Variants in CYP7B1 observed in about 807,000 individuals in gnomAD.
CYP7B1 encodes the protein cytochrome P450 family 7 subfamily B member 1.
In CYP7B1, 29 loss-of-function variants were observed where a neutral mutation model predicts 42.7. The observed-to-expected ratio is 0.68, with a 90% CI of 0.51 to 0.93. CYP7B1 has a LOEUF of 0.93. Ranked by LOEUF, CYP7B1 falls within the 40% of genes least tolerant of loss-of-function variation. The probability of loss-of-function intolerance (pLI) is 0.00; values close to 1 mark genes in which losing one functional copy is unlikely to be tolerated. For synonymous variants in CYP7B1, 235 were observed against 218.2 expected, an observed-to-expected ratio of 1.08 and a Z score of -0.68; for missense variants, 655 against 600.5, an observed-to-expected ratio of 1.09 and a Z score of -0.95.
intron 1 of CYP7B1, among the ~76,000 whole-genome samples, chr8:64,766,278 C>T (rs897092417): frequency 1.3e-5 from 2 of 152,144 alleles, no homozygotes; most frequent in African/African-American, 2.4e-5. Flanking sequence ...AATCCTACTG[C>T]CTTTCTGGAG....
chr8:64,796,451 C>A (rs528667621), intron 1 of CYP7B1, among the ~76,000 whole-genome samples: 1 of 152,114 alleles, frequency 6.6e-6, no homozygotes, highest in African/African-American at 2.4e-5. Flanking sequence ...ATCAGATTGG[C>A]AAAATTAAAA....
At chr8:64,775,913 A>G (rs959488423) in intron 1 of CYP7B1, among the ~76,000 whole-genome samples, 6 of 152,192 alleles carry the variant, frequency 3.9e-5, no homozygotes, top group Non-Finnish European at 7.3e-5. Flanking sequence ...CCAAATGATT[A>G]TCTGGTTCAG....
chr8:64,775,949 T>C (rs1282090427), intron 1 of CYP7B1, among the ~76,000 whole-genome samples: 1 of 152,160 alleles, frequency 6.6e-6, no homozygotes, highest in Non-Finnish European at 1.5e-5. Context: ...ATGAGAAAAC[T>C]GAGCCTTAGA....
chr8:64,634,091 C>G (rs1364156792), intron 1 of CYP7B1, among the ~76,000 whole-genome samples: 1 of 152,136 alleles, frequency 6.6e-6, no homozygotes, highest in Non-Finnish European at 1.5e-5. Context: ...TTTTGATTTG[C>G]ACATGACATA....
chr8:64,791,467 G>C (rs1335716940), intron 1 of CYP7B1, among the ~76,000 whole-genome samples: 1 of 152,180 alleles, frequency 6.6e-6, no homozygotes, highest in Non-Finnish European at 1.5e-5. Context: ...CCTTATAAGA[G>C]GGGAGTGGAA....
intron 1 of CYP7B1, among the ~76,000 whole-genome samples, chr8:64,707,487 C>T (rs1354965242): frequency 1.3e-5 from 2 of 152,078 alleles, no homozygotes; most frequent in African/African-American, 2.4e-5. Context: ...CACAATCAGA[C>T]TACAGCAGTT....
chr8:64,626,643 C>A (rs1050359042), intron 1 of CYP7B1, among the ~76,000 whole-genome samples: 2 of 152,230 alleles, frequency 1.3e-5, no homozygotes, highest in Admixed American at 6.5e-5. Flanking sequence ...GATTTGTAAT[C>A]TTAGCAAGAT....
intron 1 of CYP7B1, among the ~76,000 whole-genome samples, chr8:64,706,608 CTCTTA>C (rs1431103841): frequency 6.6e-6 from 1 of 151,974 alleles, no homozygotes; most frequent in Non-Finnish European, 1.5e-5. Context: ...TAAGTAAGGG[CTCTTA>C]TCTTATCGAT....
intron 1 of CYP7B1, among the ~76,000 whole-genome samples, chr8:64,775,366 T>C (rs1033528606): frequency 6.6e-6 from 1 of 152,154 alleles, no homozygotes; most frequent in African/African-American, 2.4e-5. Flanking sequence ...TTATATTCCT[T>C]ATAGTAAACT....
intron 3 of CYP7B1, 102 bp downstream of exon 3, chr8:64,615,585 TAGAA>T (rs1444446339): frequency 1.5e-5 from 16 of 1,081,056 alleles, no homozygotes; most frequent in Middle Eastern, 2.1e-4. Flanking sequence ...ATTAGCCAAT[TAGAA>T]AGAGCATAAA....
chr8:64,755,314 C>G (rs1267986237), intron 1 of CYP7B1, among the ~76,000 whole-genome samples: 1 of 152,236 alleles, frequency 6.6e-6, no homozygotes, highest in Non-Finnish European at 1.5e-5. Context: ...TTATTTGTAA[C>G]AGCACTTCAC....
intron 1 of CYP7B1, among the ~76,000 whole-genome samples, chr8:64,663,044 C>T (rs4236934): frequency 0.64 from 97,791 of 152,042 alleles, 31,632 homozygotes; most frequent in Middle Eastern, 0.68. Context: ...CCATATTTAC[C>T]TTTATTTCTT....
intron 1 of CYP7B1, among the ~76,000 whole-genome samples, chr8:64,741,895 G>T (rs955747230): frequency 2.6e-5 from 4 of 152,232 alleles, no homozygotes; most frequent in African/African-American, 7.2e-5. Context: ...TAATTGGAAG[G>T]CTCAATATTG....
intron 1 of CYP7B1, among the ~76,000 whole-genome samples, chr8:64,690,943 T>C (rs1339937275): frequency 1.3e-5 from 2 of 152,196 alleles, no homozygotes; most frequent in African/African-American, 4.8e-5. Flanking sequence ...ACTGCACATG[T>C]GTAACTGTGC....
chr8:64,647,215 C>T, intron 1 of CYP7B1, among the ~76,000 whole-genome samples: 1 of 152,112 alleles, frequency 6.6e-6, no homozygotes, highest in East Asian at 1.9e-4. Flanking sequence ...ATTAAGCTCA[C>T]TATCTTATAT....
chr8:64,704,908 CACTT>C (rs796142485), intron 1 of CYP7B1, among the ~76,000 whole-genome samples: 54 of 152,128 alleles, frequency 3.5e-4, no homozygotes, highest in African/African-American at 1.3e-3. Context: ...AAATCAACTA[CACTT>C]ACTTAGTTCC....
intron 1 of CYP7B1, among the ~76,000 whole-genome samples, chr8:64,632,064 C>T (rs1356784136): frequency 3.3e-5 from 5 of 151,928 alleles, no homozygotes; most frequent in Non-Finnish European, 7.4e-5. Context: ...TTATATAATC[C>T]ACTTCTGGAT....
rs112345443 is a variant in CYP7B1 at position 64,770,233 on chromosome 8, C to A, written c.122+28233G>T. ...TGCCATAAAACCAAACAATAGAAAA[C>A]CTCTAAATCTCAAAAAAAAATTTGG... On this transcript the variant is annotated intron_variant, in intron 1 of 5. Transcript: ENST00000310193. Among the ~76,000 whole-genome samples the A allele has an allele frequency of 1.1e-4, 17 of 151,992 alleles. 2 individuals carry two copies. The highest frequency in any genetic ancestry group is 4.1e-4 in the African/African-American group (17 of 41,436).
intron 1 of CYP7B1, among the ~76,000 whole-genome samples, chr8:64,723,121 T>C (rs1807271211): frequency 6.6e-6 from 1 of 152,192 alleles, no homozygotes; most frequent in Non-Finnish European, 1.5e-5. Flanking sequence ...ACTTGAACAT[T>C]TTGAAAACCG....
Sources: allele counts gnomAD v4.1 joint callset (sites outside exome capture counted in the v4.1 genomes callset), GRCh38; gene constraint gnomAD v4.1.1; transcripts MANE v1.5; gene names NCBI Gene and HGNC (gene_info 2026-07-23, HGNC 2026-07-21).